ANXA6: variants seen among roughly 807,000 people sequenced by gnomAD.
ANXA6 encodes 67 kDa calelectrin.
In ANXA6, 71 loss-of-function variants were observed where a neutral mutation model predicts 95.4. That is an observed-to-expected ratio of 0.74 (90% CI 0.61 to 0.91). ANXA6 has a LOEUF of 0.91. Among genes scored for constraint, ANXA6 ranks in the 40% least tolerant of loss-of-function variants. ANXA6 has a pLI of 0.00. For synonymous variants in ANXA6, 289 were observed against 315.9 expected, an observed-to-expected ratio of 0.91 and a Z score of 0.90; for missense variants, 830 against 876.4, an observed-to-expected ratio of 0.95 and a Z score of 0.67.
chr5:151,118,601 T>G (rs1429729576), intron 18 of ANXA6, among the ~76,000 whole-genome samples: 4 of 152,244 alleles, frequency 2.6e-5, no homozygotes, highest in Non-Finnish European at 5.9e-5. Context: ...GCCTGGCTAA[T>G]TTTTGCATTT....
intron 5 of ANXA6, among the ~76,000 whole-genome samples, chr5:151,137,698 T>C (rs1407615008): frequency 6.6e-6 from 1 of 152,164 alleles, no homozygotes; most frequent in Non-Finnish European, 1.5e-5. Flanking sequence ...ACCTCCCGCC[T>C]TGCTCCTGCT....
chr5:151,129,532 G>T lies in ANXA6; in HGVS notation c.796-3C>A, dbSNP rs776418157. On this transcript the variant is annotated splice_polypyrimidine_tract_variant and splice_region_variant and intron_variant, in intron 11 of 25. Transcript: ENST00000354546. ...GTGTTGTCCCGAGTCCCCAGGCCCT[G>T]CAAGACAAGTGGGTTTGGGGAACAT... is the stretch of plus-strand genomic sequence containing the variant. 6.3e-7 allele frequency: 1 copy of T among 1,598,626 alleles called. No homozygotes were observed. The highest frequency in any genetic ancestry group is 1.1e-5 in the South Asian group (1 of 88,822).
At chr5:151,149,807 G>A (rs1766064833) in intron 1 of ANXA6, among the ~76,000 whole-genome samples, 1 of 151,520 alleles carries the variant, frequency 6.6e-6, no homozygotes, top group African/African-American at 2.4e-5. Flanking sequence ...CAATGTCTAT[G>A]TATTGCTTTT....
chr5:151,148,142 C>T (rs986470271), intron 1 of ANXA6, among the ~76,000 whole-genome samples: 4 of 151,828 alleles, frequency 2.6e-5, no homozygotes, highest in East Asian at 3.9e-4. Context: ...GGGAAAGGGA[C>T]GCGGATCCCC....
intron 24 of ANXA6, among the ~76,000 whole-genome samples, 168 bp from the exon 25 acceptor site, chr5:151,103,860 C>A (rs946219471): frequency 1.3e-5 from 2 of 152,216 alleles, no homozygotes; most frequent in African/African-American, 2.4e-5. Context: ...CCCTCTGTGC[C>A]CAGGACTGGC....
chr5:151,105,095 A>T, intron 24 of ANXA6, 150 bp downstream of exon 24: 1 of 775,092 alleles, frequency 1.3e-6, no homozygotes, highest in Non-Finnish European at 2.2e-6. Context: ...ATACCATCCT[A>T]GAGCCAGACA....
intron 20 of ANXA6, among the ~76,000 whole-genome samples, chr5:151,115,572 G>A (rs1764976319): frequency 6.6e-6 from 1 of 152,218 alleles, no homozygotes; most frequent in African/African-American, 2.4e-5. Context: ...TCAATTCAGG[G>A]TTGGAGGATG....
At chr5:151,128,969 A>C (rs1765410922) in intron 12 of ANXA6, among the ~76,000 whole-genome samples, 1 of 151,662 alleles carries the variant, frequency 6.6e-6, no homozygotes, top group Non-Finnish European at 1.5e-5. Flanking sequence ...AAAAAGGGAA[A>C]ACCCCTAGCT....
Position 151,105,319 on chromosome 5 carries a change from G to A in ANXA6, c.1781-16C>T, listed in dbSNP as rs1356313675. On this transcript the variant is annotated splice_polypyrimidine_tract_variant and intron_variant, in intron 23 of 25. Transcript: ENST00000354546. ...ACACTTTGAACTGGTAGGAAGAGCA[G>A]AGAGATGCGGGGAACGTGGTCAGAG... 2.5e-6 allele frequency: 4 copies of A among 1,613,518 alleles called. No homozygotes were observed. Among genetic ancestry groups the A allele is most frequent in the Non-Finnish European group, 8.5e-7 (1 of 1,179,568 alleles).
chr5:151,108,312 C>T (rs1764754725), intron 23 of ANXA6, 143 bp downstream of exon 23: 2 of 735,844 alleles, frequency 2.7e-6, no homozygotes, highest in East Asian at 2.5e-5. Flanking sequence ...CACAATCACA[C>T]ATTTGGCAGC....
At chr5:151,128,946 CAA>C (rs372400204) in intron 12 of ANXA6, among the ~76,000 whole-genome samples, 25 of 127,724 alleles carry the variant, frequency 2.0e-4, no homozygotes, top group Admixed American at 5.0e-4. Context: ...TTCAGTCATC[CAA>C]AAAAAAAAAA....
chr5:151,105,458 C>A (rs1181957994), intron 23 of ANXA6, among the ~76,000 whole-genome samples, 155 bp from the exon 24 acceptor site: 1 of 152,134 alleles, frequency 6.6e-6, no homozygotes, highest in Non-Finnish European at 1.5e-5. Context: ...CACCTTTGCT[C>A]CCCTTCCCCA....
chr5:151,150,714 C>T (rs1000542223), intron 1 of ANXA6, among the ~76,000 whole-genome samples: 1 of 152,196 alleles, frequency 6.6e-6, no homozygotes, highest in Non-Finnish European at 1.5e-5. Context: ...ACTGTACCCC[C>T]TTTCCAGTGT....
At chr5:151,134,089 G>T (rs1341991031) in intron 8 of ANXA6, among the ~76,000 whole-genome samples, 1 of 152,090 alleles carries the variant, frequency 6.6e-6, no homozygotes, top group East Asian at 1.9e-4. Flanking sequence ...GTCTCTCCCG[G>T]TACCACTTGA....
chr5:151,118,476 C>T (rs1473226377), intron 18 of ANXA6, among the ~76,000 whole-genome samples: 1 of 151,974 alleles, frequency 6.6e-6, no homozygotes, highest in African/African-American at 2.4e-5. Flanking sequence ...TTCTGTCTCC[C>T]AGGTTGGAGT....
intron 12 of ANXA6, among the ~76,000 whole-genome samples, chr5:151,128,819 C>A (rs945443967): frequency 6.6e-6 from 1 of 152,020 alleles, no homozygotes; most frequent in Admixed American, 6.6e-5. Context: ...TGGTTTGTTA[C>A]AAACTTATTT....
At chr5:151,136,455 C>T (rs908932185) in intron 6 of ANXA6, 120 bp from the exon 7 acceptor site, 7 of 864,872 alleles carry the variant, frequency 8.1e-6, no homozygotes, top group Middle Eastern at 2.3e-4. Context: ...CCAGTCTACA[C>T]GTCCATCATG....
chr5:151,127,991 CCA>C (rs760824084), intron 13 of ANXA6, among the ~76,000 whole-genome samples, 188 bp downstream of exon 13: 17 of 152,178 alleles, frequency 1.1e-4, no homozygotes, highest in Non-Finnish European at 2.2e-4. Context: ...GTTCAGACCC[CCA>C]CACTCTCAGA....
chr5:151,135,695 C>T (rs1187372303), intron 7 of ANXA6, among the ~76,000 whole-genome samples: 6 of 152,194 alleles, frequency 3.9e-5, no homozygotes, highest in East Asian at 3.8e-4. Flanking sequence ...CTGCTGCTAC[C>T]GCAACTTTCA....
Sources: allele counts gnomAD v4.1 joint callset (sites outside exome capture counted in the v4.1 genomes callset), GRCh38; gene constraint gnomAD v4.1.1; transcripts MANE v1.5; gene names NCBI Gene and HGNC (gene_info 2026-07-23, HGNC 2026-07-21).